NIN: variants seen among roughly 807,000 people sequenced by gnomAD.
NIN encodes the protein glycogen synthase kinase 3 beta-interacting protein.
NIN carries 137 observed loss-of-function variants against 257.6 expected under a neutral mutation model. The observed-to-expected ratio is 0.53, with a 90% CI of 0.46 to 0.61. The LOEUF is 0.61. NIN is among the 20% of genes least tolerant of loss of function. The pLI is 0.00. For synonymous variants in NIN, 918 were observed against 919.8 expected (o/e 1.00, Z 0.04); for missense variants, 2,439 against 2,501.2 (o/e 0.98, Z 0.53).
In NIN at chr14:50,757,654, A is replaced by G; in HGVS notation, c.3376T>C (p.Phe1126Leu). ...TGCTTCGTTCGGTTTTGCTGTAAAA[A>G]CTGCTCTGTTTGTTCCGCAGTATTT... ...FGNTAEQTEQFLQQNRTKQVE... is the reference protein window; with the variant it reads ...FGNTAEQTEQLLQQNRTKQVE... Residue 1126 changes from phenylalanine (F) to leucine (L), a missense_variant, in exon 18 of 31, where the codon TTT (phenylalanine) becomes CTT (leucine). By Grantham distance (22) the Phe-to-Leu change is conservative. Coordinates refer to ENST00000530997, the MANE Select transcript of NIN (RefSeq NM_020921.4). 2 of 1,613,984 alleles carry G rather than the reference A, an allele frequency of 1.2e-6. No individual in the cohort carries two copies. The highest frequency in any genetic ancestry group is 1.7e-6 in the Non-Finnish European group (2 of 1,179,998).
At chr14:50,811,401 G>C (rs894861972) in intron 3 of NIN, among the ~76,000 whole-genome samples, 1 of 151,872 alleles carries the variant, frequency 6.6e-6, no homozygotes, top group Non-Finnish European at 1.5e-5. Flanking sequence ...GAGCCATCGC[G>C]CCCGGCCTTG....
chr14:50,759,977 T>A lies in NIN; in HGVS notation c.2279A>T (p.Gln760Leu). Reference protein sequence around the residue: ...WTEEKVRGLTQELEQFHQEQL... With the variant: ...WTEEKVRGLTLELEQFHQEQL... ...CTCCTGGTGAAACTGCTCTAGTTCC[T>A]GAGTCAAGCCTCTCACCTTCTCTTC... The change falls in exon 17 of 31, where the codon CAG becomes CTG. Residue 760 changes from glutamine (Q) to leucine (L), a missense_variant. Gln to Leu is a moderately radical substitution (Grantham distance 113, BLOSUM62 -2). This residue lies in a region of NIN where 2,043 missense variants were observed against 2,050.2 expected (regional missense o/e 1.00). Coordinates refer to ENST00000530997, the MANE Select transcript of NIN (RefSeq NM_020921.4). 1.2e-6 allele frequency: 2 copies of A among 1,614,262 alleles called. No homozygotes were observed. The highest frequency in any genetic ancestry group is 1.7e-6 in the Non-Finnish European group (2 of 1,180,040).
At chr14:50,827,358 A>G (rs951524318) in intron 2 of NIN, among the ~76,000 whole-genome samples, 4 of 152,250 alleles carry the variant, frequency 2.6e-5, no homozygotes, top group African/African-American at 9.6e-5. Flanking sequence ...TTCTAGCTGG[A>G]TACCAAAAGC....
At chr14:50,729,198 T>C (rs1387822373) in intron 29 of NIN, among the ~76,000 whole-genome samples, 5 of 152,102 alleles carry the variant, frequency 3.3e-5, no homozygotes, top group Admixed American at 2.0e-4. Flanking sequence ...CGCAGTTCTA[T>C]GGATTTGTCA....
intron 5 of NIN, among the ~76,000 whole-genome samples, chr14:50,782,263 T>A (rs763753331): frequency 3.3e-5 from 5 of 152,204 alleles, no homozygotes; most frequent in Non-Finnish European, 5.9e-5. Flanking sequence ...TACTTTTTGA[T>A]CCAATAATTT....
At chr14:50,781,646 G>C (rs1219643189) in intron 5 of NIN, among the ~76,000 whole-genome samples, 1 of 152,194 alleles carries the variant, frequency 6.6e-6, no homozygotes, top group Non-Finnish European at 1.5e-5. Flanking sequence ...CAGAGTGCCT[G>C]GTGCTGAATC....
intron 2 of NIN, chr14:50,823,428 G>T: frequency 2.8e-6 from 1 of 358,952 alleles, no homozygotes; most frequent in South Asian, 2.4e-5. Context: ...CGTCCATACG[G>T]CAGATCATTA....
At position 50,770,401 on chromosome 14, in the gene NIN, G is replaced by T; in HGVS notation, c.1421C>A (p.Ala474Asp). The change falls in exon 12 of 31, where the codon GCC becomes GAC. Residue 474 changes from alanine (A) to aspartate (D), a missense_variant. Transcript: ENST00000530997. ...TAAGATGATTACCTTTAAAGAGAGG[G>T]CAAGGCGGTCCCGGATATAGTTCTC... ...TEENYIRDRL[A>D]LSLKENSRLE... 1 of 1,614,166 alleles carries T rather than the reference G, an allele frequency of 6.2e-7. No individual in the cohort carries two copies. Among genetic ancestry groups the T allele is most frequent in the East Asian group, 2.2e-5 (1 of 44,876 alleles).
At chr14:50,785,335 T>C (rs1747885689) in intron 5 of NIN, among the ~76,000 whole-genome samples, 1 of 152,254 alleles carries the variant, frequency 6.6e-6, no homozygotes, top group Admixed American at 6.5e-5. Context: ...ACCAGCCATC[T>C]GCTCCAGCGC....
At chr14:50,787,878 A>G (rs1260556571) in intron 5 of NIN, among the ~76,000 whole-genome samples, 1 of 152,198 alleles carries the variant, frequency 6.6e-6, no homozygotes, top group Non-Finnish European at 1.5e-5. Context: ...ATTGCCTTGT[A>G]ATCTAAATTT....
At chr14:50,808,491 G>C (rs541306837) in intron 3 of NIN, among the ~76,000 whole-genome samples, 2 of 152,342 alleles carry the variant, frequency 1.3e-5, no homozygotes, top group East Asian at 3.9e-4. Context: ...TCTAACCCTA[G>C]CTCTTCCTTC....
intron 26 of NIN, 43 bp from the exon 27 acceptor site, chr14:50,738,329 A>C (rs754443017): frequency 1.3e-6 from 2 of 1,574,730 alleles, no homozygotes. Flanking sequence ...TAATACAATC[A>C]CCCAGCCAGC....
At chr14:50,787,481 A>G (rs1369012243) in intron 5 of NIN, among the ~76,000 whole-genome samples, 3 of 152,250 alleles carry the variant, frequency 2.0e-5, no homozygotes, top group Non-Finnish European at 4.4e-5. Flanking sequence ...AACAAAGTAA[A>G]GCAAAAACAG....
At chr14:50,821,755 A>G (rs2045232101) in intron 3 of NIN, 119 bp downstream of exon 3, 5 of 775,732 alleles carry the variant, frequency 6.4e-6, no homozygotes, top group Non-Finnish European at 1.1e-5. Context: ...TCTTCTTTTT[A>G]TCATGTAACA....
chr14:50,728,280 T>C (rs942491866), intron 29 of NIN, among the ~76,000 whole-genome samples: 2 of 152,152 alleles, frequency 1.3e-5, no homozygotes, highest in Admixed American at 1.3e-4. Context: ...TTAAAGCATC[T>C]AACACTCTAC....
intron 14 of NIN, among the ~76,000 whole-genome samples, chr14:50,764,772 G>C (rs553897607): frequency 6.6e-6 from 1 of 152,154 alleles, no homozygotes; most frequent in South Asian, 2.1e-4. Flanking sequence ...CAAATCTGTA[G>C]AGACACAAAG....
chr14:50,731,359 G>A (rs535906349), intron 28 of NIN, among the ~76,000 whole-genome samples: 16 of 151,638 alleles, frequency 1.1e-4, no homozygotes, highest in African/African-American at 2.4e-4. Flanking sequence ...GTGAAACCCC[G>A]TCTCTACTAA....
intron 2 of NIN, among the ~76,000 whole-genome samples, chr14:50,825,548 G>A (rs867895424): frequency 2.6e-5 from 4 of 152,090 alleles, no homozygotes; most frequent in African/African-American, 9.7e-5. Context: ...ATTTTCCCAC[G>A]CAAGATGTAG....
In NIN at chr14:50,729,641, G is replaced by A. The variant is rs147630726; in HGVS notation, c.5960C>T (p.Pro1987Leu). The A allele has an allele frequency of 5.1e-5, 83 of 1,613,828 alleles. 1 individual carries two copies. In the African/African-American group the frequency reaches 7.5e-4, roughly 15 times the overall value. Residue 1987 changes from proline (P) to leucine (L), a missense_variant, in exon 29 of 31, where the codon CCG becomes CTG. By Grantham distance (98) the Pro-to-Leu change is moderately conservative. Around this residue, in one of 3 missense-constraint regions of NIN, gnomAD observed 2,043 missense variants for 2,050.2 expected, o/e 1.00. Coordinates refer to ENST00000530997, the MANE Select transcript of NIN (RefSeq NM_020921.4). ...CAGAAACTGCTCCCTGGGCACCATC[G>A]GACAGGCTTGCTGCTGGAGCAGCTG... Reference protein sequence around the residue: ...DLQLLQQQACPMVPREQFLQL... With the variant: ...DLQLLQQQACLMVPREQFLQL...
Sources: gnomAD v4.1 joint callset for allele counts (sites outside exome capture counted in the v4.1 genomes callset) on GRCh38, gnomAD v4.1.1 for gene constraint, gnomAD v4.1.1 regional missense constraint, MANE v1.5 for transcripts, NCBI Gene and HGNC (gene_info 2026-07-23, HGNC 2026-07-21) for gene names.